Variants in KRT8 observed in about 807,000 individuals in gnomAD.
KRT8 encodes the protein keratin, type II cytoskeletal 8.
In KRT8, 24 loss-of-function variants were observed where a neutral mutation model predicts 43.0. The observed-to-expected ratio is 0.56, with a 90% CI of 0.40 to 0.78. KRT8 has a LOEUF of 0.78. KRT8 is among the 30% of genes least tolerant of loss of function. The pLI is 0.00. For missense variants in KRT8, 492 were observed against 638.4 expected (o/e 0.77, Z 2.47); for synonymous variants, 214 against 261.2 (o/e 0.82, Z 1.74).
At chr12:52,928,905 T>C (rs1156929056) in intron 2 of KRT8, among the ~76,000 whole-genome samples, 1 of 151,826 alleles carries the variant, frequency 6.6e-6, no homozygotes, top group Non-Finnish European at 1.5e-5. Context: ...AAACTCCAAC[T>C]CAAAAAACAA....
At chr12:52,946,497 A>G (rs1282216403) in intron 2 of KRT8, 1 of 152,220 alleles carries the variant, frequency 6.6e-6, no homozygotes, top group Non-Finnish European at 1.5e-5. Context: ...TTTTCCCTGT[A>G]CAAGTGAAGA....
At chr12:52,898,620 T>C (rs1040109742) in intron 6 of KRT8, 59 bp downstream of exon 6, 2 of 1,613,112 alleles carry the variant, frequency 1.2e-6, no homozygotes, top group Non-Finnish European at 1.7e-6. Context: ...GCTCCCACCG[T>C]CCCCACCCCA....
intron 2 of KRT8, among the ~76,000 whole-genome samples, chr12:52,938,282 C>T (rs1942212115): frequency 6.8e-6 from 1 of 147,494 alleles, no homozygotes; most frequent in African/African-American, 2.5e-5. Context: ...GATTCTCGTG[C>T]CTTGGCCTCC....
chr12:52,906,509 C>T (rs1029736540), upstream of KRT8: 6 of 357,172 alleles, frequency 1.7e-5, no homozygotes, highest in Admixed American at 7.2e-5. Context: ...CAGGTTGGGA[C>T]GTAGCACGCA....
At chr12:52,915,478 C>T (rs1225744459) in intron 2 of KRT8, among the ~76,000 whole-genome samples, 6 of 151,642 alleles carry the variant, frequency 4.0e-5, no homozygotes, top group African/African-American at 9.7e-5. Context: ...GAGGCTGAGG[C>T]GGGTGGATCA....
At chr12:52,900,818 G>A (rs1279529372) in intron 3 of KRT8, 135 bp from the exon 4 acceptor site, 1 of 698,912 alleles carries the variant, frequency 1.4e-6, no homozygotes, top group Non-Finnish European at 2.6e-6. Context: ...TTCCAGCCCA[G>A]CCTCTGCCCA....
At chr12:52,899,097 A>G (rs4397939) in intron 5 of KRT8, 198 bp from the exon 6 acceptor site, 436,979 of 592,640 alleles carry the variant, frequency 0.74, 163,211 homozygotes, top group African/African-American at 0.93. Flanking sequence ...GGCAGATCAC[A>G]AGGTCAGGAG....
intron 2 of KRT8, among the ~76,000 whole-genome samples, chr12:52,939,538 C>T (rs763872711): frequency 2.0e-5 from 3 of 150,964 alleles, no homozygotes; most frequent in Non-Finnish European, 4.4e-5. Flanking sequence ...CTGGCCAACA[C>T]GGCAAAACCC....
chr12:52,943,580 C>T (rs1942299713), intron 2 of KRT8, among the ~76,000 whole-genome samples: 1 of 152,246 alleles, frequency 6.6e-6, no homozygotes, highest in Non-Finnish European at 1.5e-5. Flanking sequence ...CTGGGTTTCA[C>T]CCAAATCCTT....
At chr12:52,914,483 G>T (rs949425683) in intron 2 of KRT8, among the ~76,000 whole-genome samples, 1 of 152,144 alleles carries the variant, frequency 6.6e-6, no homozygotes, top group Admixed American at 6.5e-5. Flanking sequence ...GTTGCAGCGA[G>T]CTGTGATCAT....
chr12:52,918,431 G>A (rs1592175029), intron 2 of KRT8, among the ~76,000 whole-genome samples: 1 of 152,200 alleles, frequency 6.6e-6, no homozygotes, highest in African/African-American at 2.4e-5. Context: ...AGGCCGAGAT[G>A]GAAAAGTGCC....
intron 2 of KRT8, among the ~76,000 whole-genome samples, chr12:52,941,708 G>C (rs1022778474): frequency 2.0e-5 from 3 of 151,718 alleles, no homozygotes; most frequent in African/African-American, 4.8e-5. Context: ...GGCTGGTCTC[G>C]AACTCCCAAC....
At chr12:52,922,924 A>C (rs900801247) in intron 2 of KRT8, among the ~76,000 whole-genome samples, 4 of 152,166 alleles carry the variant, frequency 2.6e-5, no homozygotes, top group African/African-American at 9.7e-5. Context: ...TGAGAGCTTG[A>C]ACTGATCGGC....
At chr12:52,920,700 C>T in intron 2 of KRT8, among the ~76,000 whole-genome samples, 1 of 152,130 alleles carries the variant, frequency 6.6e-6, no homozygotes, top group Non-Finnish European at 1.5e-5. Flanking sequence ...GGCACTCCAC[C>T]AGTATATGAT....
At chr12:52,940,107 A>C (rs542035353) in intron 2 of KRT8, among the ~76,000 whole-genome samples, 1 of 151,972 alleles carries the variant, frequency 6.6e-6, no homozygotes, top group East Asian at 2.0e-4. Flanking sequence ...TCACAGAAGC[A>C]TCATGTTAAG....
intron 2 of KRT8, among the ~76,000 whole-genome samples, chr12:52,943,333 C>T (rs1167927553): frequency 1.3e-5 from 2 of 152,216 alleles, no homozygotes; most frequent in African/African-American, 4.8e-5. Context: ...TGTCCTCAGC[C>T]TCCCTGATCC....
intron 1 of KRT8, chr12:52,949,655 C>G: frequency 7.1e-7 from 1 of 1,416,210 alleles, no homozygotes; most frequent in Non-Finnish European, 9.9e-7. Context: ...ACTCCTTTGC[C>G]TCTTTCCGTC....
At chr12:52,930,140 A>G (rs1942060213) in intron 2 of KRT8, among the ~76,000 whole-genome samples, 1 of 152,206 alleles carries the variant, frequency 6.6e-6, no homozygotes, top group South Asian at 2.1e-4. Context: ...ATAGATGTTC[A>G]GTGTTATTAT....
upstream of KRT8, among the ~76,000 whole-genome samples, chr12:52,909,638 G>A (rs1182202570): frequency 2.0e-5 from 3 of 152,222 alleles, no homozygotes; most frequent in Non-Finnish European, 4.4e-5. Context: ...GAGACATGGA[G>A]AGGGACCTTG....
Sources: gnomAD v4.1 joint callset for allele counts (sites outside exome capture counted in the v4.1 genomes callset) on GRCh38, gnomAD v4.1.1 for gene constraint, MANE v1.5 for transcripts, NCBI Gene and HGNC (gene_info 2026-07-23, HGNC 2026-07-21) for gene names.